Variants in KIAA1958 observed in about 807,000 individuals in gnomAD.
KIAA1958 encodes KIAA1958.
A neutral mutation model predicts 47.2 loss-of-function variants in KIAA1958; 14 were observed. That is an observed-to-expected ratio of 0.30 (90% CI 0.20 to 0.46). The LOEUF (loss-of-function observed/expected upper bound fraction) is 0.46. KIAA1958 is among the 20% of genes least tolerant of loss of function. The probability of loss-of-function intolerance (pLI) is 1.00; values close to 1 mark genes in which losing one functional copy is unlikely to be tolerated. For synonymous variants in KIAA1958, 354 were observed against 353.3 expected, an observed-to-expected ratio of 1.00 and a Z score of -0.02; for missense variants, 803 against 909.2, an observed-to-expected ratio of 0.88 and a Z score of 1.50.
At chr9:112,585,695 CA>C in intron 2 of KIAA1958, among the ~76,000 whole-genome samples, 1 of 152,248 alleles carries the variant, frequency 6.6e-6, no homozygotes, top group South Asian at 2.1e-4. Context: ...AGGAGACAGG[CA>C]GGTGTTTCAG....
intron 1 of KIAA1958, among the ~76,000 whole-genome samples, chr9:112,560,837 A>G (rs1235263570): frequency 6.6e-6 from 1 of 152,240 alleles, no homozygotes; most frequent in Middle Eastern, 3.4e-3. Flanking sequence ...GGTATCATGG[A>G]AGACTTCCAG....
At chr9:112,608,534 A>G (rs546408393) in intron 2 of KIAA1958, among the ~76,000 whole-genome samples, 8 of 152,204 alleles carry the variant, frequency 5.3e-5, no homozygotes, top group Non-Finnish European at 1.0e-4. Flanking sequence ...CACACCTGTA[A>G]TCCCAGCACT....
rs185825231 is a variant in KIAA1958, at chr9:112,556,604, G to C, written c.-24-17453G>C. On this transcript the variant is annotated intron_variant, in intron 1 of 3. Transcript: ENST00000337530. The stretch of plus-strand genomic sequence containing the variant: ...CCTGTCTCAGCCTCCCAAAGTGCTG[G>C]AATTACAGGCGTGAGCCACTGAGTC... 5.1e-3 allele frequency among the ~76,000 whole-genome samples: 774 copies of C among 152,284 alleles called. 9 individuals are homozygous for C. Among genetic ancestry groups the C allele is most frequent in the African/African-American group, 0.018 (734 of 41,556 alleles).
rs572958734 is a variant in KIAA1958, at chr9:112,635,788, G to A, written c.1172-9862G>A. On this transcript the variant is annotated intron_variant, in intron 2 of 3. Coordinates refer to ENST00000337530, the MANE Select transcript of KIAA1958 (RefSeq NM_133465.4). ...TGTGCCTTCTCTCTTCTTCTTGCTA[G>A]TTTATTAGTCTTTTCAAATCCGTCT... Among the ~76,000 whole-genome samples, 6 of 152,020 alleles carry A rather than the reference G, an allele frequency of 3.9e-5. No individual in the cohort carries two copies. In the South Asian group the frequency reaches 1.2e-3, roughly 32 times the overall value.
intron 2 of KIAA1958, among the ~76,000 whole-genome samples, chr9:112,626,357 A>T (rs529502184): frequency 4.0e-4 from 61 of 152,314 alleles, no homozygotes; most frequent in South Asian, 1.0e-3. Context: ...GATGTTTTTT[A>T]AAAAGGTACA....
In KIAA1958 at chr9:112,651,434, C is replaced by A. The variant is rs543914464; in HGVS notation, c.1344+5612C>A. Among the ~76,000 whole-genome samples the A allele has an allele frequency of 8.8e-4, 132 of 150,516 alleles. 1 individual carries two copies. Among genetic ancestry groups the A allele is most frequent in the African/African-American group, 3.1e-3 (126 of 41,072 alleles). On this transcript the variant is annotated intron_variant, in intron 3 of 3. Coordinates refer to ENST00000337530, the MANE Select transcript of KIAA1958 (RefSeq NM_133465.4). The stretch of plus-strand genomic sequence containing the variant: ...TTCGGAGACAGAGTCTCACTCTATC[C>A]CCCAGGCTGGAGTGCAGTGGCACAA...
intron 2 of KIAA1958, among the ~76,000 whole-genome samples, chr9:112,611,770 T>C (rs1836331890): frequency 6.6e-6 from 1 of 152,062 alleles, no homozygotes; most frequent in South Asian, 2.1e-4. Context: ...TTTTAAAATA[T>C]ACTGGAATGT....
rs1477220449 is a variant in KIAA1958 at position 112,638,016 on chromosome 9, C to T, written c.1172-7634C>T. ...ATACAAAAATTAGCCAGGTGTGGTG[C>T]TGCCTGCCTGTGATTCCAGCTACTT... is the stretch of plus-strand genomic sequence containing the variant. On this transcript the variant is annotated intron_variant, in intron 2 of 3. Transcript: ENST00000337530. Among the ~76,000 whole-genome samples, 4 of 152,014 alleles carry T rather than the reference C, an allele frequency of 2.6e-5. No individual in the cohort carries two copies. The South Asian group carries it at 6.3e-4, about 24-fold the overall frequency.
chr9:112,629,008 T>C (rs991209692), intron 2 of KIAA1958, among the ~76,000 whole-genome samples: 5 of 152,326 alleles, frequency 3.3e-5, no homozygotes, highest in Non-Finnish European at 7.4e-5. Flanking sequence ...GTATGACTTA[T>C]CTATTAAAAT....
At position 112,599,229 on chromosome 9, in the gene KIAA1958, A is replaced by G. The variant is rs116581385; in HGVS notation, c.1171+23978A>G. 5.1e-3 allele frequency among the ~76,000 whole-genome samples: 774 copies of G among 152,262 alleles called. 7 individuals carry two copies. The highest frequency in any genetic ancestry group is 0.018 in the African/African-American group (741 of 41,548). On this transcript the variant is annotated intron_variant, in intron 2 of 3. Transcript: ENST00000337530. Reference sequence around the variant, plus strand: ...GTGGGGAAAATTTTATATTAACCATATATTGCTTTTATGATAAAACTAATG... The same window carrying G: ...GTGGGGAAAATTTTATATTAACCATGTATTGCTTTTATGATAAAACTAATG...
At chr9:112,543,301 A>G (rs1463651905) in intron 1 of KIAA1958, among the ~76,000 whole-genome samples, 1 of 152,190 alleles carries the variant, frequency 6.6e-6, no homozygotes, top group African/African-American at 2.4e-5. Flanking sequence ...TGGAAAAACC[A>G]GAAGTTCAAA....
chr9:112,634,616 C>A (rs750480293), intron 2 of KIAA1958, among the ~76,000 whole-genome samples: 1 of 152,122 alleles, frequency 6.6e-6, no homozygotes, highest in African/African-American at 2.4e-5. Flanking sequence ...GGTACATGGG[C>A]AGGTTTGTTA....
At chr9:112,567,497 G>T (rs1835445721) in intron 1 of KIAA1958, among the ~76,000 whole-genome samples, 1 of 152,150 alleles carries the variant, frequency 6.6e-6, no homozygotes, top group African/African-American at 2.4e-5. Flanking sequence ...AGGGGAAAAG[G>T]TAAAAACCAG....
intron 1 of KIAA1958, among the ~76,000 whole-genome samples, chr9:112,544,714 A>G (rs1835000471): frequency 6.6e-6 from 1 of 152,220 alleles, no homozygotes; most frequent in Non-Finnish European, 1.5e-5. Context: ...TGCAACTTAT[A>G]CATTTCCACA....
At position 112,498,653 on chromosome 9, in the gene KIAA1958, C is replaced by A. The variant is rs114293016; in HGVS notation, c.-25+11535C>A. On this transcript the variant is annotated intron_variant, in intron 1 of 3. Transcript: ENST00000337530. ...TATTTTTAGTTGAGATGGAATGATT[C>A]TACGTGTTTTTGGGATACAGAGTAA... Among the ~76,000 whole-genome samples, 1,471 of 152,090 alleles carry A rather than the reference C, an allele frequency of 9.7e-3. 15 individuals are homozygous for A. The highest frequency in any genetic ancestry group is 0.034 in the African/African-American group (1,394 of 41,488).
At chr9:112,584,578 A>G (rs1365466890) in intron 2 of KIAA1958, among the ~76,000 whole-genome samples, 3 of 152,194 alleles carry the variant, frequency 2.0e-5, no homozygotes, top group African/African-American at 7.2e-5. Flanking sequence ...TTTTAACACT[A>G]TGGGTTTTCT....
At chr9:112,605,978 G>A (rs1836227222) in intron 2 of KIAA1958, among the ~76,000 whole-genome samples, 1 of 152,166 alleles carries the variant, frequency 6.6e-6, no homozygotes, top group African/African-American at 2.4e-5. Flanking sequence ...ACCACCAGAT[G>A]GTAAATTCCA....
intron 2 of KIAA1958, among the ~76,000 whole-genome samples, chr9:112,639,959 T>C (rs188790886): frequency 1.3e-5 from 2 of 152,386 alleles, no homozygotes. Context: ...TAAAATTCTC[T>C]GTCTTTTCAT....
chr9:112,579,874 T>C (rs942787738), intron 2 of KIAA1958, among the ~76,000 whole-genome samples: 3 of 152,202 alleles, frequency 2.0e-5, no homozygotes. Flanking sequence ...AAGGAGAGAA[T>C]TGACTGCCTT....
Sources: allele counts gnomAD v4.1 joint callset (sites outside exome capture counted in the v4.1 genomes callset), GRCh38; gene constraint gnomAD v4.1.1; transcripts MANE v1.5; gene names NCBI Gene and HGNC (gene_info 2026-07-23, HGNC 2026-07-21).